The following KCNH7 variants were observed in gnomAD, a reference collection of about 807,000 sequenced individuals.
KCNH7 encodes potassium voltage-gated channel subfamily H member 7.
Under a neutral mutation model 120.8 loss-of-function variants are expected in KCNH7, and 49 were observed. The ratio of observed to expected loss-of-function variants is 0.41; its 90% confidence interval spans 0.32 to 0.51. The LOEUF (loss-of-function observed/expected upper bound fraction) is 0.51. Among genes scored for constraint, KCNH7 ranks in the 20% least tolerant of loss-of-function variants. The pLI is 0.38. For synonymous variants in KCNH7, 547 were observed against 516.1 expected, an observed-to-expected ratio of 1.06 and a Z score of -0.81; for missense variants, 1,097 against 1,446.6, an observed-to-expected ratio of 0.76 and a Z score of 3.92.
intron 3 of KCNH7, among the ~76,000 whole-genome samples, chr2:162,532,092 CA>C (rs1691944368): frequency 6.6e-6 from 1 of 151,736 alleles, no homozygotes; most frequent in Admixed American, 6.6e-5. Context: ...AAGGAGGAGT[CA>C]AATAAAAGTA....
intron 11 of KCNH7, among the ~76,000 whole-genome samples, chr2:162,395,421 C>T (rs1558924056): frequency 6.6e-6 from 1 of 151,620 alleles, no homozygotes; most frequent in Non-Finnish European, 1.5e-5. Context: ...ACACTTTGAA[C>T]CCTTTATTAT....
At chr2:162,672,204 C>A (rs1307056902) in intron 2 of KCNH7, among the ~76,000 whole-genome samples, 1 of 151,948 alleles carries the variant, frequency 6.6e-6, no homozygotes, top group African/African-American at 2.4e-5. Context: ...ATGAAACATA[C>A]AAAACATTGC....
rs140679996 is a variant in KCNH7 at position 162,804,694 on chromosome 2, T to G, written c.307+31843A>C. Among the ~76,000 whole-genome samples the G allele has an allele frequency of 1.1e-3, 171 of 151,280 alleles. 3 individuals are homozygous for G. The highest frequency in any genetic ancestry group is 4.0e-3 in the African/African-American group (165 of 41,244). On this transcript the variant is annotated intron_variant, in intron 2 of 15. Coordinates refer to ENST00000332142, the MANE Select transcript of KCNH7 (RefSeq NM_033272.4). ...TGCCCAAAACCATCCACAGAGTCAA[T>G]GCAATTCCCATCAAAATACAAACAT...
intron 2 of KCNH7, among the ~76,000 whole-genome samples, chr2:162,625,344 G>A (rs1430980158): frequency 6.6e-6 from 1 of 152,168 alleles, no homozygotes; most frequent in South Asian, 2.1e-4. Flanking sequence ...TGGCCTCACA[G>A]AGTTATTGTG....
chr2:162,785,060 G>A (rs1683647711), intron 2 of KCNH7: 1 of 152,304 alleles, frequency 6.6e-6, no homozygotes, highest in Middle Eastern at 3.4e-3. Context: ...CTGTTTTGGA[G>A]GGAGTCATAA....
intron 6 of KCNH7, among the ~76,000 whole-genome samples, chr2:162,501,440 G>A (rs140174403): frequency 5.3e-4 from 81 of 152,178 alleles, no homozygotes; most frequent in Admixed American, 1.9e-3. Flanking sequence ...GGAAGCATAA[G>A]AAGCTTTAGG....
intron 2 of KCNH7, among the ~76,000 whole-genome samples, chr2:162,660,268 C>CA (rs1200363661): frequency 6.6e-6 from 1 of 152,128 alleles, no homozygotes. Context: ...CAATGCTACA[C>CA]ATTTCCCTCT....
intron 2 of KCNH7, among the ~76,000 whole-genome samples, chr2:162,667,010 T>G (rs1212438565): frequency 7.1e-6 from 1 of 141,734 alleles, no homozygotes; most frequent in South Asian, 2.2e-4. Context: ...CTATTCTTTT[T>G]TCTTTTTCTT....
intron 3 of KCNH7, among the ~76,000 whole-genome samples, chr2:162,518,927 A>G (rs1280490058): frequency 2.0e-5 from 3 of 151,260 alleles, no homozygotes; most frequent in Admixed American, 1.3e-4. Context: ...CAGATGTTAA[A>G]AATTAAAATA....
At chr2:162,765,371 C>G (rs543445214) in intron 2 of KCNH7, among the ~76,000 whole-genome samples, 1 of 152,102 alleles carries the variant, frequency 6.6e-6, no homozygotes, top group South Asian at 2.1e-4. Context: ...GAATGAGAAC[C>G]CTGATTGACA....
intron 2 of KCNH7, among the ~76,000 whole-genome samples, chr2:162,551,065 G>A (rs1002637807): frequency 6.6e-6 from 1 of 152,098 alleles, no homozygotes; most frequent in Admixed American, 6.6e-5. Context: ...ACTTAGTTCT[G>A]TGTGGTGGTC....
intron 5 of KCNH7, among the ~76,000 whole-genome samples, chr2:162,509,922 G>A (rs1691011003): frequency 6.6e-6 from 1 of 151,502 alleles, no homozygotes; most frequent in Non-Finnish European, 1.5e-5. Flanking sequence ...GGAGGTGGGA[G>A]CATTAAAGGG....
At chr2:162,395,641 A>G (rs1016554220) in intron 11 of KCNH7, among the ~76,000 whole-genome samples, 2 of 151,766 alleles carry the variant, frequency 1.3e-5, no homozygotes, top group Non-Finnish European at 3.0e-5. Flanking sequence ...TTACTGAATT[A>G]AAACCATTAC....
At chr2:162,455,821 T>TTC (rs1688942935) in intron 6 of KCNH7, among the ~76,000 whole-genome samples, 1 of 151,968 alleles carries the variant, frequency 6.6e-6, no homozygotes, top group Admixed American at 6.6e-5. Flanking sequence ...TATTTGATTC[T>TTC]TCTCTTTTCT....
At chr2:162,521,961 A>G (rs1353464737) in intron 3 of KCNH7, among the ~76,000 whole-genome samples, 1 of 151,728 alleles carries the variant, frequency 6.6e-6, no homozygotes, top group Non-Finnish European at 1.5e-5. Flanking sequence ...ACTTCTCTCT[A>G]TGGTAAAAGA....
At chr2:162,478,384 C>A (rs1689816674) in intron 6 of KCNH7, among the ~76,000 whole-genome samples, 1 of 152,114 alleles carries the variant, frequency 6.6e-6, no homozygotes, top group African/African-American at 2.4e-5. Flanking sequence ...GGTCAGGGGG[C>A]ACCATGTATT....
intron 9 of KCNH7, among the ~76,000 whole-genome samples, chr2:162,408,331 C>T (rs956538554): frequency 6.6e-6 from 1 of 151,978 alleles, no homozygotes; most frequent in African/African-American, 2.4e-5. Flanking sequence ...TGAGGGAAAG[C>T]AGATGGCTGT....
At chr2:162,384,344 C>T (rs992247133) in intron 13 of KCNH7, among the ~76,000 whole-genome samples, 1 of 151,766 alleles carries the variant, frequency 6.6e-6, no homozygotes. Context: ...ACATAAGATA[C>T]ATATAAAGAA....
chr2:162,594,810 C>A (rs1280537604), intron 2 of KCNH7, among the ~76,000 whole-genome samples: 1 of 151,918 alleles, frequency 6.6e-6, no homozygotes, highest in Non-Finnish European at 1.5e-5. Flanking sequence ...GATGTTACAC[C>A]ATTTTATATA....
Sources: allele counts gnomAD v4.1 joint callset (sites outside exome capture counted in the v4.1 genomes callset), GRCh38; gene constraint gnomAD v4.1.1; transcripts MANE v1.5; gene names NCBI Gene and HGNC (gene_info 2026-07-23, HGNC 2026-07-21).